SSBP3: variants seen among roughly 807,000 people sequenced by gnomAD.
SSBP3 encodes the protein single-stranded DNA-binding protein 3.
A neutral mutation model predicts 69.6 loss-of-function variants in SSBP3; 5 were observed. The ratio of observed to expected loss-of-function variants is 0.07; its 90% CI spans 0.04 to 0.15. The LOEUF (loss-of-function observed/expected upper bound fraction) is 0.15. SSBP3 is among the 10% of genes least tolerant of loss of function. SSBP3 has a pLI of 1.00. For synonymous variants in SSBP3, 196 were observed against 193.4 expected, an observed-to-expected ratio of 1.01 and a Z score of -0.11; for missense variants, 312 against 534.0, an observed-to-expected ratio of 0.58 and a Z score of 4.10.
intron 4 of SSBP3, among the ~76,000 whole-genome samples, chr1:54,304,178 G>A (rs890466452): frequency 6.6e-6 from 1 of 152,172 alleles, no homozygotes; most frequent in African/African-American, 2.4e-5. Flanking sequence ...ACTTGGGTCG[G>A]GCATGTTGGA....
At chr1:54,305,926 G>A (rs780446944) in intron 4 of SSBP3, among the ~76,000 whole-genome samples, 8 of 150,598 alleles carry the variant, frequency 5.3e-5, no homozygotes, top group Non-Finnish European at 1.0e-4. Context: ...TGTTTCCTAT[G>A]ATGTTGTCTT....
chr1:54,229,026 G>T (rs991783162), intron 14 of SSBP3, among the ~76,000 whole-genome samples, 200 bp from the exon 15 acceptor site: 1 of 152,236 alleles, frequency 6.6e-6, no homozygotes, highest in African/African-American at 2.4e-5. Context: ...GGGCAGAGGT[G>T]CTCATTCCAA....
At chr1:54,369,856 T>C (rs55830046) in intron 4 of SSBP3, among the ~76,000 whole-genome samples, 39 of 150,780 alleles carry the variant, frequency 2.6e-4, no homozygotes, top group South Asian at 2.1e-4. Context: ...GACGGTATCC[T>C]GGGCACAACA....
chr1:54,401,349 C>G (rs1250301415), intron 4 of SSBP3, among the ~76,000 whole-genome samples: 1 of 151,850 alleles, frequency 6.6e-6, no homozygotes, highest in Non-Finnish European at 1.5e-5. Flanking sequence ...ATCGTCTTAG[C>G]AGATACAGTA....
At chr1:54,319,599 C>T (rs939753794) in intron 4 of SSBP3, among the ~76,000 whole-genome samples, 4 of 152,226 alleles carry the variant, frequency 2.6e-5, no homozygotes, top group African/African-American at 7.2e-5. Context: ...CCTACCTCCA[C>T]GCAAGCCAAC....
intron 4 of SSBP3, among the ~76,000 whole-genome samples, chr1:54,355,489 C>T (rs1646848479): frequency 6.6e-6 from 1 of 152,174 alleles, no homozygotes; most frequent in South Asian, 2.1e-4. Context: ...GCTGGGAGTA[C>T]AGGCACGTGC....
At chr1:54,229,455 A>C (rs1396646902) in intron 14 of SSBP3, among the ~76,000 whole-genome samples, 1 of 151,984 alleles carries the variant, frequency 6.6e-6, no homozygotes, top group Non-Finnish European at 1.5e-5. Context: ...TGGGGAAGAG[A>C]GAGCTAGGGC....
intron 4 of SSBP3, among the ~76,000 whole-genome samples, chr1:54,364,019 C>G (rs538493585): frequency 6.6e-6 from 1 of 152,308 alleles, no homozygotes; most frequent in African/African-American, 2.4e-5. Flanking sequence ...GAACTTCTTC[C>G]TTTACAGACT....
intron 4 of SSBP3, among the ~76,000 whole-genome samples, chr1:54,353,226 G>A (rs1244104814): frequency 6.6e-6 from 1 of 152,172 alleles, no homozygotes; most frequent in Non-Finnish European, 1.5e-5. Context: ...ATCTAACAAG[G>A]CCCTGACACT....
chr1:54,238,367 T>G (rs1352699619), intron 14 of SSBP3: 1 of 468,924 alleles, frequency 2.1e-6, no homozygotes, highest in Non-Finnish European at 4.4e-6. Flanking sequence ...TTTCAGACCC[T>G]GAGCTCCTGG....
At chr1:54,242,668 G>A (rs1350768544) in intron 10 of SSBP3, among the ~76,000 whole-genome samples, 1 of 152,158 alleles carries the variant, frequency 6.6e-6, no homozygotes, top group East Asian at 1.9e-4. Flanking sequence ...AACCGCGTCA[G>A]GCCGGGCACG....
chr1:54,387,493 TTGAG>T (rs1454861631), intron 4 of SSBP3, among the ~76,000 whole-genome samples: 5 of 152,214 alleles, frequency 3.3e-5, no homozygotes, highest in Admixed American at 1.3e-4. Context: ...CATTTACACA[TTGAG>T]TGTCTTTACT....
rs563211137 is a variant in SSBP3 at position 54,240,273 on chromosome 1, C to CCAAT, written c.856+631_856+632insATTG. Among the ~76,000 whole-genome samples the CCAAT allele has an allele frequency of 7.6e-3, 1,139 of 150,808 alleles. 12 individuals are homozygous for CCAAT. Among genetic ancestry groups the CCAAT allele is most frequent in the African/African-American group, 0.026 (1,069 of 40,704 alleles). On this transcript the variant is annotated intron_variant, in intron 13 of 17. Coordinates refer to ENST00000610401, the Ensembl canonical transcript of SSBP3. ...CAGGAGTTCAAGGCCAGCCTGGGTA[C>CCAAT]ATGGTGAAACCCCATCTCTACTAAA... is the stretch of plus-strand genomic sequence containing the variant.
chr1:54,372,821 CCAGG>C (rs1647156390), intron 4 of SSBP3, among the ~76,000 whole-genome samples: 1 of 152,184 alleles, frequency 6.6e-6, no homozygotes. Context: ...GCCCCAGGGG[CCAGG>C]CAATTAACCC....
intron 4 of SSBP3, among the ~76,000 whole-genome samples, chr1:54,337,968 TTTTAA>T (rs1355555810): frequency 1.3e-5 from 2 of 152,206 alleles, no homozygotes; most frequent in Admixed American, 6.5e-5. Context: ...CATCTCTATC[TTTTAA>T]TTTATTTTTG....
In SSBP3 at chr1:54,243,228, G is replaced by C. The variant is rs1438639531; in HGVS notation, c.716+7C>G. The C allele has an allele frequency of 6.8e-6, 10 of 1,471,762 alleles. No homozygotes were observed. The highest frequency in any genetic ancestry group is 9.4e-6 in the Non-Finnish European group (10 of 1,067,918). 91.2% of individuals were successfully genotyped at this position (1,471,762 alleles called of 1,614,324 possible). A position where few individuals can be genotyped will look rare whatever the true frequency, so the allele number is the denominator to read the frequency against. ...CTGAGCCACGGGCCGGGTCGTTTTT[G>C]CCTTACATGTTAATCCCGGGCATGG... On this transcript the variant is annotated splice_region_variant and intron_variant, in intron 10 of 17. Transcript: ENST00000610401.
At chr1:54,280,205 G>A (rs1459470723) in intron 5 of SSBP3, among the ~76,000 whole-genome samples, 1 of 152,162 alleles carries the variant, frequency 6.6e-6, no homozygotes, top group Non-Finnish European at 1.5e-5. Context: ...TCTTCTCTCA[G>A]GAGTTAACAC....
chr1:54,240,085 T>TGC (rs1644589953), intron 13 of SSBP3, among the ~76,000 whole-genome samples: 1 of 38,538 alleles, frequency 2.6e-5, no homozygotes, highest in Non-Finnish European at 6.1e-5. Context: ...TGTGTGTGTG[T>TGC]GTGCGCGCGC....
intron 4 of SSBP3, among the ~76,000 whole-genome samples, chr1:54,291,887 A>C (rs1338016740): frequency 6.6e-6 from 1 of 152,214 alleles, no homozygotes; most frequent in Non-Finnish European, 1.5e-5. Context: ...TCCAGGTGCG[A>C]GCCCGCATCC....
Sources: allele counts gnomAD v4.1 joint callset (sites outside exome capture counted in the v4.1 genomes callset), GRCh38; gene constraint gnomAD v4.1.1; transcripts MANE v1.5; gene names NCBI Gene and HGNC (gene_info 2026-07-23, HGNC 2026-07-21).